MAP3K1: variants seen among roughly 807,000 people sequenced by gnomAD.
MAP3K1 encodes mitogen-activated protein kinase kinase kinase 1, also known as MAP/ERK kinase kinase 1.
Under a neutral mutation model 144.2 loss-of-function variants are expected in MAP3K1, and 36 were observed. The ratio of observed to expected loss-of-function variants is 0.25; its 90% CI spans 0.19 to 0.33. The LOEUF is 0.33. MAP3K1 is among the 10% of genes least tolerant of loss of function. The pLI, the probability that MAP3K1 is intolerant of heterozygous loss-of-function variation, is 1.00. For synonymous variants in MAP3K1, 718 were observed against 688.7 expected (o/e 1.04, Z -0.67); for missense variants, 1,650 against 1,881.9 (o/e 0.88, Z 2.28).
At chr5:56,856,579 T>C in intron 1 of MAP3K1, 21 bp from the exon 2 acceptor site, 1 of 1,598,220 alleles carries the variant, frequency 6.3e-7, no homozygotes, top group Non-Finnish European at 8.6e-7. Context: ...CTCATTTTAT[T>C]TGTTTCTGCC....
At chr5:56,860,503 G>A (rs1026977366) in intron 3 of MAP3K1, among the ~76,000 whole-genome samples, 7 of 152,108 alleles carry the variant, frequency 4.6e-5, no homozygotes, top group Non-Finnish European at 7.4e-5. Flanking sequence ...ATTTAGATTT[G>A]GGTATTTGGA....
At chr5:56,843,292 A>G (rs2111821576) in intron 1 of MAP3K1, among the ~76,000 whole-genome samples, 1 of 152,266 alleles carries the variant, frequency 6.6e-6, no homozygotes, top group Middle Eastern at 3.4e-3. Flanking sequence ...CTTTCTGGCC[A>G]TTGCCATCAC....
rs1454725137 is a variant in MAP3K1 at position 56,856,665 on chromosome 5, G to A, written c.548G>A (p.Arg183Gln). ...AAGATGGATGATCGTCCAGAGGAAC[G>A]AATGATCAGGGAGAAACTGAAGGCA... Reference protein sequence around the residue: ...LHKMDDRPEERMIREKLKATC... With the variant: ...LHKMDDRPEEQMIREKLKATC... Residue 183 changes from arginine to glutamine, a missense_variant, in exon 2 of 20, where the codon CGA becomes CAA. By Grantham distance (43) the Arg-to-Gln change is conservative. This residue lies in a region of MAP3K1 where 148 missense variants were observed against 177.2 expected (regional missense o/e 0.84). Coordinates refer to ENST00000399503, the MANE Select transcript of MAP3K1 (RefSeq NM_005921.2). The A allele has an allele frequency of 3.3e-5, 53 of 1,613,972 alleles. No individual in the cohort carries two copies. Among genetic ancestry groups the A allele is most frequent in the African/African-American group, 4.0e-5 (3 of 75,020 alleles).
Position 56,891,718 on chromosome 5 carries a change from G to A in MAP3K1, c.4390-1813G>A, listed in dbSNP as rs184848449. On this transcript the variant is annotated intron_variant, in intron 19 of 19. Coordinates refer to ENST00000399503, the MANE Select transcript of MAP3K1 (RefSeq NM_005921.2). ...TCCATCTTGAATTTTTTTATAAGGT[G>A]TAAGGAAGGGATCCAGTTTCAGCTT... Among the ~76,000 whole-genome samples, 3 of 152,288 alleles carry A rather than the reference G, an allele frequency of 2.0e-5. 1 individual carries two copies. The highest frequency in any genetic ancestry group is 4.1e-4 in the South Asian group (2 of 4,826).
intron 9 of MAP3K1, among the ~76,000 whole-genome samples, chr5:56,874,705 TCA>T (rs1221627821): frequency 6.6e-6 from 1 of 152,160 alleles, no homozygotes; most frequent in Non-Finnish European, 1.5e-5. Flanking sequence ...GTTGAGGTTT[TCA>T]CAGTTTTTTG....
chr5:56,893,444 T>C, intron 19 of MAP3K1, 87 bp from the exon 20 acceptor site: 1 of 1,347,226 alleles, frequency 7.4e-7, no homozygotes, highest in Non-Finnish European at 1.1e-6. Context: ...AGGATGTAAA[T>C]GTAAGGGTTA....
At chr5:56,880,266 A>C (rs1748165114) in intron 11 of MAP3K1, among the ~76,000 whole-genome samples, 1 of 152,196 alleles carries the variant, frequency 6.6e-6, no homozygotes, top group Admixed American at 6.5e-5. Flanking sequence ...TGAACATAAG[A>C]AATACTGTAG....
intron 1 of MAP3K1, among the ~76,000 whole-genome samples, chr5:56,849,591 TTA>T (rs1385379798): frequency 1.3e-5 from 2 of 152,172 alleles, no homozygotes; most frequent in Non-Finnish European, 2.9e-5. Flanking sequence ...CCTACCTATG[TTA>T]TAAATGTTGT....
At chr5:56,887,597 C>G in intron 18 of MAP3K1, 77 bp downstream of exon 18, 1 of 1,457,108 alleles carries the variant, frequency 6.9e-7, no homozygotes, top group South Asian at 1.1e-5. Context: ...AATTATCTTG[C>G]AGTGGTATCC....
intron 19 of MAP3K1, 28 bp from the exon 20 acceptor site, chr5:56,893,503 A>G (rs770241324): frequency 2.0e-5 from 32 of 1,612,938 alleles, no homozygotes; most frequent in Non-Finnish European, 2.6e-5. Flanking sequence ...AGTTGTGCAA[A>G]GCTTCAACAC....
At chr5:56,881,436 T>C in intron 13 of MAP3K1, 134 bp from the exon 14 acceptor site, 1 of 985,460 alleles carries the variant, frequency 1.0e-6, no homozygotes, top group Non-Finnish European at 1.5e-6. Flanking sequence ...GGCTCTTTAA[T>C]TAAAAATTCA....
chr5:56,836,097 G>T (rs1746647623), intron 1 of MAP3K1, among the ~76,000 whole-genome samples: 1 of 152,116 alleles, frequency 6.6e-6, no homozygotes, highest in Admixed American at 6.5e-5. Context: ...GTAAGTGTGC[G>T]CAGAACCCAT....
intron 11 of MAP3K1, among the ~76,000 whole-genome samples, chr5:56,880,506 A>C (rs1748172121): frequency 6.6e-6 from 1 of 152,160 alleles, no homozygotes; most frequent in Non-Finnish European, 1.5e-5. Context: ...AACATAGGGG[A>C]TATGTTAAAT....
chr5:56,881,088 A>G lies in MAP3K1; in HGVS notation c.2185A>G (p.Ile729Val), dbSNP rs1433892219. The change falls in exon 13 of 20, where the codon ATT (isoleucine) becomes GTT (valine). Residue 729 changes from isoleucine (I) to valine (V), a missense_variant. This residue lies in a region of MAP3K1 where 841 missense variants were observed against 886.5 expected (regional missense o/e 0.95). Transcript: ENST00000399503. The stretch of plus-strand genomic sequence containing the variant: ...TTTTACTTTCCTTTTTGTAGGATCC[A>G]TTGGTATTGGTGGTGTTGATTATGT... ...VGREILKAGS[I>V]GIGGVDYVLN... is the part of the protein sequence containing the mutation. 6.2e-7 allele frequency: 1 copy of G among 1,610,140 alleles called. No individual in the cohort carries two copies. The highest frequency in any genetic ancestry group is 1.7e-5 in the Admixed American group (1 of 59,920).
chr5:56,828,689 A>G (rs2111773708), intron 1 of MAP3K1, among the ~76,000 whole-genome samples: 1 of 152,318 alleles, frequency 6.6e-6, no homozygotes, highest in East Asian at 1.9e-4. Flanking sequence ...TTTAGCAAAT[A>G]CTACCTTAGG....
rs558965285 is a variant in MAP3K1 at position 56,864,836 on chromosome 5, C to G, written c.937C>G (p.Arg313Gly). 57 of 1,613,930 alleles carry G rather than the reference C, an allele frequency of 3.5e-5. No individual in the cohort carries two copies. The highest frequency in any genetic ancestry group is 5.3e-5 in the African/African-American group (4 of 74,872). ...AAACCGCCGTGTTAACAAAGTGATGCGGGCCAGACTGTACTTACTGCAGCA... is the reference window on the plus strand; with the variant it reads ...AAACCGCCGTGTTAACAAAGTGATGGGGGCCAGACTGTACTTACTGCAGCA... ...ETNRRVNKVM[R>G]ARLYLLQQIG... Residue 313 changes from arginine to glycine, a missense_variant, in exon 4 of 20, where the codon CGG becomes GGG. This residue lies in a region of MAP3K1 where 148 missense variants were observed against 177.2 expected (regional missense o/e 0.84). Coordinates refer to ENST00000399503, the MANE Select transcript of MAP3K1 (RefSeq NM_005921.2).
chr5:56,887,872 G>C (rs1168050019), intron 18 of MAP3K1: 1 of 433,264 alleles, frequency 2.3e-6, no homozygotes, highest in Non-Finnish European at 4.2e-6. Context: ...GGCAGCTCCT[G>C]TCTGTAGTGG....
intron 3 of MAP3K1, among the ~76,000 whole-genome samples, chr5:56,864,001 T>A (rs1747598200): frequency 6.6e-6 from 1 of 152,204 alleles, no homozygotes; most frequent in African/African-American, 2.4e-5. Context: ...GCAGCGTTTG[T>A]AAATTTCCTG....
rs702689 is a variant in MAP3K1 at position 56,881,616 on chromosome 5, G to A, written c.2416G>A (p.Asp806Asn). Residue 806 changes from aspartate to asparagine, a missense_variant, in exon 14 of 20, where the codon GAT (aspartate) becomes AAT (asparagine). Asp to Asn is a conservative substitution (Grantham distance 23). This residue lies in a region of MAP3K1 where 841 missense variants were observed against 886.5 expected (regional missense o/e 0.95). Coordinates refer to ENST00000399503, the MANE Select transcript of MAP3K1 (RefSeq NM_005921.2). The part of the protein sequence containing the change: ...SLLTFALQSI[D>N]NSHSMVGKLS... ...CTTAACCTTTGCTTTGCAGTCCATT[G>A]ATAATTCCCACTCAATGGTTGGCAA... 0.67 allele frequency: 1,083,020 copies of A among 1,612,860 alleles called. 374,698 individuals carry two copies. The highest frequency in any genetic ancestry group is 0.72 in the Non-Finnish European group (850,948 of 1,179,180).
Sources: allele counts gnomAD v4.1 joint callset (sites outside exome capture counted in the v4.1 genomes callset), GRCh38; gene constraint gnomAD v4.1.1; regional missense constraint gnomAD v4.1.1; transcripts MANE v1.5; gene names NCBI Gene and HGNC (gene_info 2026-07-23, HGNC 2026-07-21).